The following ADGRL4 variants were observed in gnomAD, a reference collection of about 807,000 sequenced individuals.
ADGRL4 encodes the protein EGF, latrophilin and seven transmembrane domain containing 1.
In ADGRL4, 90 loss-of-function variants were observed where a neutral mutation model predicts 74.8. That is an observed-to-expected ratio of 1.20 (90% CI 1.02 to 1.43). The LOEUF (loss-of-function observed/expected upper bound fraction) is 1.43, where lower values mean the gene tolerates loss of function less well. ADGRL4 is among the 40% of genes most tolerant of loss of function. ADGRL4 has a pLI of 0.00. For missense variants in ADGRL4, 881 were observed against 814.3 expected, an observed-to-expected ratio of 1.08 and a Z score of -1.00; for synonymous variants, 311 against 279.2, an observed-to-expected ratio of 1.11 and a Z score of -1.14.
At chr1:78,970,260 A>G (rs1650144025) in intron 2 of ADGRL4, among the ~76,000 whole-genome samples, 1 of 152,200 alleles carries the variant, frequency 6.6e-6, no homozygotes, top group Non-Finnish European at 1.5e-5. Flanking sequence ...TTGGATCTAA[A>G]GGATCCAGAT....
At chr1:78,995,666 G>A (rs1188961168) in intron 2 of ADGRL4, among the ~76,000 whole-genome samples, 1 of 152,178 alleles carries the variant, frequency 6.6e-6, no homozygotes, top group Non-Finnish European at 1.5e-5. Context: ...CCAAGAATTA[G>A]TTGAACTGGA....
At chr1:78,956,349 C>A (rs1649829355) in intron 2 of ADGRL4, among the ~76,000 whole-genome samples, 1 of 152,132 alleles carries the variant, frequency 6.6e-6, no homozygotes, top group South Asian at 2.1e-4. Context: ...ATGTCAACTG[C>A]ACCTAGCCTT....
At chr1:79,001,257 TG>T (rs1570282097) in intron 2 of ADGRL4, among the ~76,000 whole-genome samples, 1 of 144,764 alleles carries the variant, frequency 6.9e-6, no homozygotes, top group East Asian at 2.0e-4. Context: ...AAGGAAGGTA[TG>T]AATGAATTAT....
intron 3 of ADGRL4, among the ~76,000 whole-genome samples, chr1:78,943,581 A>AT (rs1245833575): frequency 3.3e-5 from 5 of 152,350 alleles, no homozygotes; most frequent in African/African-American, 1.2e-4. Context: ...TTTAATGACT[A>AT]TAATTACCAG....
At chr1:78,950,823 C>T (rs760235535) in intron 2 of ADGRL4, among the ~76,000 whole-genome samples, 3 of 152,042 alleles carry the variant, frequency 2.0e-5, no homozygotes, top group Admixed American at 6.6e-5. Flanking sequence ...TGACTTGGAG[C>T]GATCTGGTGG....
chr1:78,964,894 G>T (rs1358337192), intron 2 of ADGRL4, among the ~76,000 whole-genome samples: 2 of 152,020 alleles, frequency 1.3e-5, no homozygotes, highest in African/African-American at 4.8e-5. Flanking sequence ...TTTTTGGAGA[G>T]AATAAGTCAC....
At chr1:78,989,937 A>G (rs1169282130) in intron 2 of ADGRL4, among the ~76,000 whole-genome samples, 1 of 151,956 alleles carries the variant, frequency 6.6e-6, no homozygotes, top group African/African-American at 2.4e-5. Context: ...GTTTGATTCC[A>G]GGGATGCCTT....
At chr1:78,896,102 C>A (rs1375952174) in intron 12 of ADGRL4, among the ~76,000 whole-genome samples, 1 of 151,650 alleles carries the variant, frequency 6.6e-6, no homozygotes, top group Non-Finnish European at 1.5e-5. Context: ...TGATCAGACC[C>A]AATGGTTCAT....
At position 78,926,878 on chromosome 1, in the gene ADGRL4, C is replaced by T. The variant is rs562838945; in HGVS notation, c.1083+8G>A. On this transcript the variant is annotated splice_region_variant and intron_variant, in intron 8 of 14. Coordinates refer to ENST00000370742, the MANE Select transcript of ADGRL4 (RefSeq NM_022159.4). The stretch of plus-strand genomic sequence containing the variant: ...TCATAGCCAATAACTACCAGAAAAA[C>T]AGCTTACCTTTCGATGACTTAATGT... 1.9e-6 allele frequency: 3 copies of T among 1,603,534 alleles called. No homozygotes were observed. The African/African-American group carries it at 4.0e-5, about 21-fold the overall frequency.
chr1:78,921,528 T>TA lies in ADGRL4; in HGVS notation c.1257+84dup, dbSNP rs1648999279. ...GCTATCTAAACCCAAGAAAAATATA[T>TA]AAAAAATTAAATATTGTCTCGAATG... is the stretch of plus-strand genomic sequence containing the variant. On this transcript the variant is annotated intron_variant, in intron 9 of 14. Coordinates refer to ENST00000370742, the MANE Select transcript of ADGRL4 (RefSeq NM_022159.4). 4 of 879,794 alleles carry TA rather than the reference T, an allele frequency of 4.5e-6. No individual in the cohort carries two copies. The South Asian group carries it at 1.4e-4, about 30-fold the overall frequency. 54.5% of individuals were successfully genotyped at this position (879,794 alleles called of 1,614,324 possible).
intron 2 of ADGRL4, among the ~76,000 whole-genome samples, chr1:79,003,455 C>T (rs1184913996): frequency 6.6e-6 from 1 of 150,886 alleles, no homozygotes; most frequent in Non-Finnish European, 1.5e-5. Flanking sequence ...ATTCCCATTA[C>T]AAATTATGTT....
At chr1:79,001,628 A>G (rs1226195610) in intron 2 of ADGRL4, among the ~76,000 whole-genome samples, 2 of 152,172 alleles carry the variant, frequency 1.3e-5, no homozygotes, top group African/African-American at 2.4e-5. Flanking sequence ...ATCTCAGTGA[A>G]TAAATAGACT....
rs1417185380 is a variant in ADGRL4, at chr1:78,918,004, G to T, written c.1508C>A (p.Ala503Asp). ...IAGLLHYFFLAAFAWMCIEGI... is the reference protein window; with the variant it reads ...IAGLLHYFFLDAFAWMCIEGI... ...TTCAATGCACATCCATGCAAAAGCA[G>T]CTAAAAAGAAGTAGTGTAGCAGTCC... is the stretch of plus-strand genomic sequence containing the variant. The change falls in exon 11 of 15, where the codon GCT becomes GAT. Residue 503 changes from alanine to aspartate, a missense_variant. Transcript: ENST00000370742. 6.2e-7 allele frequency: 1 copy of T among 1,611,488 alleles called. No individual in the cohort carries two copies. Among genetic ancestry groups the T allele is most frequent in the Non-Finnish European group, 8.5e-7 (1 of 1,178,778 alleles).
intron 2 of ADGRL4, among the ~76,000 whole-genome samples, chr1:78,950,285 G>A (rs911234366): frequency 8.5e-5 from 13 of 152,106 alleles, no homozygotes; most frequent in African/African-American, 2.7e-4. Flanking sequence ...AGTCCTGCAG[G>A]AACAGCGTAA....
intron 7 of ADGRL4, 123 bp downstream of exon 7, chr1:78,936,172 A>G (rs1157359649): frequency 2.2e-6 from 2 of 911,210 alleles, no homozygotes; most frequent in African/African-American, 1.7e-5. Flanking sequence ...TGTATACTGT[A>G]CATACATCAA....
At chr1:78,959,859 C>A (rs769473083) in intron 2 of ADGRL4, among the ~76,000 whole-genome samples, 4 of 152,124 alleles carry the variant, frequency 2.6e-5, no homozygotes, top group Non-Finnish European at 4.4e-5. Context: ...CATGAACCTT[C>A]TTGATAGATA....
chr1:78,967,125 C>T (rs1650074108), intron 2 of ADGRL4, among the ~76,000 whole-genome samples: 1 of 152,122 alleles, frequency 6.6e-6, no homozygotes, highest in Non-Finnish European at 1.5e-5. Flanking sequence ...TTTCAGTTCA[C>T]ATGACTTTAA....
chr1:78,895,620 T>A (rs924017747), intron 12 of ADGRL4, among the ~76,000 whole-genome samples: 1 of 152,100 alleles, frequency 6.6e-6, no homozygotes, highest in African/African-American at 2.4e-5. Context: ...AAAAAAGTAT[T>A]CTACAGAGAA....
At chr1:78,966,621 A>T (rs954220994) in intron 2 of ADGRL4, among the ~76,000 whole-genome samples, 3 of 152,036 alleles carry the variant, frequency 2.0e-5, no homozygotes, top group African/African-American at 4.8e-5. Context: ...TTTGGAATGG[A>T]CAGATGAGCA....
Sources: gnomAD v4.1 joint callset for allele counts (sites outside exome capture counted in the v4.1 genomes callset) on GRCh38, gnomAD v4.1.1 for gene constraint, MANE v1.5 for transcripts, NCBI Gene and HGNC (gene_info 2026-07-23, HGNC 2026-07-21) for gene names.